Variants in CNTN4 observed in about 807,000 individuals in gnomAD.
CNTN4 encodes contactin-4.
Under a neutral mutation model 122.5 loss-of-function variants are expected in CNTN4, and 77 were observed. The ratio of observed to expected loss-of-function variants is 0.63; its 90% CI spans 0.52 to 0.76. The LOEUF is 0.76. Ranked by LOEUF, CNTN4 falls within the 30% of genes least tolerant of loss-of-function variation. The pLI is 0.00. For synonymous variants in CNTN4, 512 were observed against 447.0 expected (o/e 1.15, Z -1.83); for missense variants, 1,256 against 1,259.1 (o/e 1.00, Z 0.04).
intron 7 of CNTN4, among the ~76,000 whole-genome samples, chr3:2,834,601 C>A (rs946007034): frequency 6.6e-5 from 10 of 152,002 alleles, no homozygotes; most frequent in Non-Finnish European, 1.5e-4. Context: ...AACAAAGAAG[C>A]TGTAATCTAT....
intron 13 of CNTN4, among the ~76,000 whole-genome samples, chr3:2,947,562 G>A (rs2094692474): frequency 6.6e-6 from 1 of 152,228 alleles, no homozygotes; most frequent in East Asian, 1.9e-4. Flanking sequence ...GTTAATAGTG[G>A]AAACTCTGTG....
chr3:2,973,286 C>G (rs983802323), intron 13 of CNTN4, among the ~76,000 whole-genome samples: 3 of 151,970 alleles, frequency 2.0e-5, no homozygotes, highest in Admixed American at 1.3e-4. Flanking sequence ...AATAATATCC[C>G]TGGGAAGAGA....
chr3:2,741,005 A>T (rs1051833978), intron 5 of CNTN4, among the ~76,000 whole-genome samples: 3 of 152,170 alleles, frequency 2.0e-5, no homozygotes, highest in Admixed American at 6.5e-5. Flanking sequence ...AAATAACAGA[A>T]TTTTCATCCA....
chr3:2,708,587 C>G (rs936874413), intron 4 of CNTN4, among the ~76,000 whole-genome samples: 3 of 152,194 alleles, frequency 2.0e-5, no homozygotes, highest in Non-Finnish European at 2.9e-5. Context: ...GACTGAGGCT[C>G]TAAAACTGTG....
chr3:2,913,704 A>G (rs2094325272), intron 12 of CNTN4, among the ~76,000 whole-genome samples: 1 of 152,218 alleles, frequency 6.6e-6, no homozygotes, highest in Non-Finnish European at 1.5e-5. Context: ...TAGCAGCACA[A>G]TAGTAGGATA....
chr3:2,701,538 G>A (rs1394260448), intron 4 of CNTN4, among the ~76,000 whole-genome samples: 2 of 152,182 alleles, frequency 1.3e-5, no homozygotes, highest in African/African-American at 4.8e-5. Context: ...TTTGTGTTTT[G>A]CTTTCTCTGT....
intron 2 of CNTN4, among the ~76,000 whole-genome samples, chr3:2,330,279 A>G (rs1455013707): frequency 6.6e-6 from 1 of 152,204 alleles, no homozygotes; most frequent in African/African-American, 2.4e-5. Flanking sequence ...TCCATCCCCA[A>G]GCACCTCCAC....
chr3:2,152,387 G>A (rs559390787), intron 2 of CNTN4, among the ~76,000 whole-genome samples: 3 of 152,242 alleles, frequency 2.0e-5, no homozygotes, highest in East Asian at 1.9e-4. Context: ...ACGAGGTGCC[G>A]TCTGGTAGGT....
chr3:2,486,961 A>C (rs750445792), intron 3 of CNTN4, among the ~76,000 whole-genome samples: 1 of 152,212 alleles, frequency 6.6e-6, no homozygotes, highest in African/African-American at 2.4e-5. Context: ...TTTTAAAAAA[A>C]ATAAGTTAGG....
intron 2 of CNTN4, among the ~76,000 whole-genome samples, chr3:2,306,571 G>GT (rs955686431): frequency 1.3e-4 from 19 of 151,504 alleles, no homozygotes; most frequent in Middle Eastern, 3.4e-3. Context: ...GTCAGACATT[G>GT]TTTTTTTTCA....
chr3:2,195,932 G>A (rs551174369), intron 2 of CNTN4, among the ~76,000 whole-genome samples: 46 of 152,290 alleles, frequency 3.0e-4, no homozygotes, highest in African/African-American at 1.1e-3. Context: ...AGTAAGGATT[G>A]TGGCATTACC....
intron 8 of CNTN4, among the ~76,000 whole-genome samples, chr3:2,871,506 T>C (rs956876989): frequency 1.3e-5 from 2 of 152,178 alleles, no homozygotes; most frequent in African/African-American, 4.8e-5. Context: ...TCTTTTTGCT[T>C]GTCATTATTT....
chr3:2,284,480 C>T (rs1293455494), intron 2 of CNTN4, among the ~76,000 whole-genome samples: 2 of 151,972 alleles, frequency 1.3e-5, no homozygotes, highest in Non-Finnish European at 2.9e-5. Context: ...AAGTCAGTTA[C>T]TTTTTTGAAA....
intron 4 of CNTN4, among the ~76,000 whole-genome samples, chr3:2,648,698 G>A (rs2083236184): frequency 6.6e-6 from 1 of 152,100 alleles, no homozygotes; most frequent in Non-Finnish European, 1.5e-5. Context: ...TGGCCCCTAA[G>A]TGTTCAAATG....
chr3:2,589,648 GC>G (rs1420109621), intron 4 of CNTN4, among the ~76,000 whole-genome samples: 1 of 152,234 alleles, frequency 6.6e-6, no homozygotes, highest in African/African-American at 2.4e-5. Context: ...GAGCAGCTTA[GC>G]TGGATGGTTC....
intron 2 of CNTN4, among the ~76,000 whole-genome samples, chr3:2,158,690 G>C (rs1451670644): frequency 6.6e-6 from 1 of 152,160 alleles, no homozygotes; most frequent in African/African-American, 2.4e-5. Flanking sequence ...GAGTTTTTGA[G>C]CCTGCATAGA....
intron 10 of CNTN4, among the ~76,000 whole-genome samples, chr3:2,893,811 TAAGTTGATTCATTTATCTAG>T (rs890161060): frequency 2.6e-5 from 4 of 152,208 alleles, no homozygotes; most frequent in African/African-American, 9.6e-5. Flanking sequence ...AGGTTTTGCT[TAAGTTGATTCATTTATCTAG>T]AAGTTCCTCT....
chr3:2,259,545 T>C (rs1288291179), intron 2 of CNTN4, among the ~76,000 whole-genome samples: 1 of 152,168 alleles, frequency 6.6e-6, no homozygotes, highest in South Asian at 2.1e-4. Context: ...TCCACGTGTC[T>C]GGAGAGGCCT....
chr3:2,197,900 A>G (rs1051929730), intron 2 of CNTN4, among the ~76,000 whole-genome samples: 10 of 152,016 alleles, frequency 6.6e-5, no homozygotes, highest in African/African-American at 2.4e-4. Context: ...CTGTAATCTC[A>G]GCTACTTGTG....
Sources: gnomAD v4.1 joint callset for allele counts (sites outside exome capture counted in the v4.1 genomes callset) on GRCh38, gnomAD v4.1.1 for gene constraint, MANE v1.5 for transcripts, NCBI Gene and HGNC (gene_info 2026-07-23, HGNC 2026-07-21) for gene names.